PRKG1: variants seen among roughly 807,000 people sequenced by gnomAD.
The protein encoded by PRKG1 is protein kinase cGMP-dependent 1, also known as cGMP-dependent protein kinase 1.
Under a neutral mutation model 88.1 loss-of-function variants are expected in PRKG1, and 35 were observed. That is an observed-to-expected ratio of 0.40 (90% CI 0.30 to 0.53). PRKG1 has a LOEUF of 0.53. Among genes scored for constraint, PRKG1 ranks in the 20% least tolerant of loss-of-function variants. The pLI is 0.59. For synonymous variants in PRKG1, 303 were observed against 292.5 expected, an observed-to-expected ratio of 1.04 and a Z score of -0.37; for missense variants, 540 against 839.8, an observed-to-expected ratio of 0.64 and a Z score of 4.41.
chr10:51,549,335 G>C (rs1200845303), intron 3 of PRKG1, among the ~76,000 whole-genome samples: 1 of 150,740 alleles, frequency 6.6e-6, no homozygotes, highest in Non-Finnish European at 1.5e-5. Context: ...CATGTTAGCC[G>C]GGATGGTCTC....
intron 5 of PRKG1, among the ~76,000 whole-genome samples, chr10:51,997,605 T>C (rs1246230016): frequency 3.3e-5 from 5 of 152,076 alleles, no homozygotes; most frequent in African/African-American, 1.2e-4. Context: ...AATGATAACA[T>C]TGTGAAATAA....
In PRKG1 at chr10:52,293,973, GGAAA is replaced by G; in HGVS notation, c.*76_*79del. 7.7e-7 allele frequency: 1 copy of G among 1,301,174 alleles called. No homozygotes were observed. Among genetic ancestry groups the G allele is most frequent in the Non-Finnish European group, 1.1e-6 (1 of 909,188 alleles). 80.6% of individuals were successfully genotyped at this position (1,301,174 alleles called of 1,614,324 possible). On this transcript the variant is annotated 3_prime_UTR_variant, in exon 18 of 18. Transcript: ENST00000373980. ...AGACACAGCTGCCAGCAAACCTGAG[GGAAA>G]GAGAGAAGATTAGTGCTCGGGGTCA... is the stretch of plus-strand genomic sequence containing the variant.
intron 2 of PRKG1, among the ~76,000 whole-genome samples, chr10:51,415,157 CCTT>C (rs1838202690): frequency 6.6e-6 from 1 of 152,194 alleles, no homozygotes; most frequent in Admixed American, 6.5e-5. Flanking sequence ...GAGCCTATGT[CCTT>C]GTCAGTATGC....
At chr10:51,313,663 G>A (rs189719843) in intron 2 of PRKG1, among the ~76,000 whole-genome samples, 399 of 152,212 alleles carry the variant, frequency 2.6e-3, no homozygotes, top group Middle Eastern at 6.8e-3. Flanking sequence ...TTGTCCCTTG[G>A]TATCCATAGG....
intron 2 of PRKG1, among the ~76,000 whole-genome samples, chr10:51,357,069 A>G (rs1842381864): frequency 6.6e-6 from 1 of 151,980 alleles, no homozygotes; most frequent in Admixed American, 6.6e-5. Flanking sequence ...TGGAAATGGC[A>G]GGAGCTAGAT....
At chr10:51,793,652 A>C (rs953433634) in intron 3 of PRKG1, among the ~76,000 whole-genome samples, 5 of 152,156 alleles carry the variant, frequency 3.3e-5, no homozygotes, top group Admixed American at 2.6e-4. Flanking sequence ...GAAGTAAATA[A>C]CATATACAAG....
Position 52,197,643 on chromosome 10 carries a change from G to A in PRKG1, c.1076+35680G>A, listed in dbSNP as rs998485632. 5.3e-5 allele frequency among the ~76,000 whole-genome samples: 8 copies of A among 152,262 alleles called. No homozygotes were observed. The South Asian group carries it at 6.2e-4, about 12-fold the overall frequency. On this transcript the variant is annotated intron_variant, in intron 9 of 17. Transcript: ENST00000373980. Reference sequence around the variant, plus strand: ...TTTGAGTAAGTCTTCGAATAGCAGCGTGGTCACACTGGGTCAGTATACTTC... The same window carrying A: ...TTTGAGTAAGTCTTCGAATAGCAGCATGGTCACACTGGGTCAGTATACTTC...
At chr10:51,531,441 G>A (rs947598976) in intron 3 of PRKG1, among the ~76,000 whole-genome samples, 1 of 152,014 alleles carries the variant, frequency 6.6e-6, no homozygotes, top group African/African-American at 2.4e-5. Flanking sequence ...CTCATGTGTG[G>A]TTTCACTCTG....
intron 8 of PRKG1, among the ~76,000 whole-genome samples, chr10:52,152,207 A>G (rs778962195): frequency 1.3e-5 from 2 of 152,168 alleles, no homozygotes; most frequent in Non-Finnish European, 2.9e-5. Flanking sequence ...AAATGAATAA[A>G]TGAGTAAGTG....
chr10:51,259,781 C>A (rs1239473173), intron 2 of PRKG1, among the ~76,000 whole-genome samples: 1 of 152,072 alleles, frequency 6.6e-6, no homozygotes, highest in African/African-American at 2.4e-5. Flanking sequence ...TGGCCCTCAT[C>A]CCTTTTTTAT....
intron 4 of PRKG1, among the ~76,000 whole-genome samples, chr10:51,906,337 G>A (rs1401256189): frequency 6.6e-6 from 1 of 152,144 alleles, no homozygotes; most frequent in African/African-American, 2.4e-5. Flanking sequence ...CCAAATGTGA[G>A]GACCACGATC....
intron 2 of PRKG1, among the ~76,000 whole-genome samples, chr10:51,213,431 C>T (rs912392984): frequency 1.3e-5 from 2 of 152,066 alleles, no homozygotes; most frequent in Admixed American, 6.6e-5. Context: ...CAAACCTGCA[C>T]GTTGTGCACA....
At chr10:51,276,641 T>A (rs543586282) in intron 2 of PRKG1, among the ~76,000 whole-genome samples, 1 of 152,168 alleles carries the variant, frequency 6.6e-6, no homozygotes, top group Non-Finnish European at 1.5e-5. Flanking sequence ...TTCCTGACTT[T>A]TTAATGATTG....
At chr10:51,471,318 AT>A (rs892386708) in intron 3 of PRKG1, among the ~76,000 whole-genome samples, 2 of 151,756 alleles carry the variant, frequency 1.3e-5, no homozygotes, top group African/African-American at 4.8e-5. Context: ...GTATTGTTTG[AT>A]TTTTTTAATA....
intron 3 of PRKG1, among the ~76,000 whole-genome samples, chr10:51,709,933 TGCTTTAGGATACTAAA>T (rs1287586984): frequency 7.8e-6 from 1 of 128,766 alleles, no homozygotes; most frequent in Non-Finnish European, 1.7e-5. Context: ...GGTTTGACAA[TGCTTTAGGATACTAAA>T]GCTAGGATAC....
intron 3 of PRKG1, among the ~76,000 whole-genome samples, chr10:51,505,372 C>A (rs1841166509): frequency 6.6e-6 from 1 of 152,108 alleles, no homozygotes; most frequent in Admixed American, 6.6e-5. Context: ...ATTTGGTTTG[C>A]CAATATTTTA....
At chr10:52,154,072 AC>A (rs200352191) in intron 8 of PRKG1, among the ~76,000 whole-genome samples, 45,593 of 151,848 alleles carry the variant, frequency 0.3, 7,017 homozygotes, top group East Asian at 0.4. Context: ...TCAAAATGGA[AC>A]AAGTGATGTT....
intron 2 of PRKG1, among the ~76,000 whole-genome samples, chr10:51,214,724 C>G (rs762476637): frequency 1.3e-5 from 2 of 152,078 alleles, no homozygotes; most frequent in Non-Finnish European, 2.9e-5. Flanking sequence ...GCAGTCCTCC[C>G]GCTTGGCCTG....
intron 9 of PRKG1, among the ~76,000 whole-genome samples, chr10:52,222,140 C>A (rs1316072952): frequency 6.6e-6 from 1 of 152,112 alleles, no homozygotes; most frequent in Non-Finnish European, 1.5e-5. Flanking sequence ...CCCTTAGAGT[C>A]ATCCCTTTGA....
Sources: gnomAD v4.1 joint callset for allele counts (sites outside exome capture counted in the v4.1 genomes callset) on GRCh38, gnomAD v4.1.1 for gene constraint, MANE v1.5 for transcripts, NCBI Gene and HGNC (gene_info 2026-07-23, HGNC 2026-07-21) for gene names.